The following PLEKHA5 variants were observed in gnomAD, a reference collection of about 807,000 sequenced individuals.
The protein encoded by PLEKHA5 is pleckstrin homology domain-containing family A member 5.
Under a neutral mutation model 181.9 loss-of-function variants are expected in PLEKHA5, and 55 were observed. That is an observed-to-expected ratio of 0.30 (90% CI 0.24 to 0.38). PLEKHA5 has a LOEUF of 0.38. PLEKHA5 is among the 10% of genes least tolerant of loss of function. PLEKHA5 has a pLI of 1.00. For missense variants in PLEKHA5, 1,432 were observed against 1,549.5 expected (o/e 0.92, Z 1.27); for synonymous variants, 535 against 529.4 (o/e 1.01, Z -0.15).
Position 19,197,172 on chromosome 12 carries a change from C to T in PLEKHA5, c.228-56768C>T, listed in dbSNP as rs537798570. On this transcript the variant is annotated intron_variant, in intron 3 of 31. Transcript: ENST00000429027. Reference sequence around the variant, plus strand: ...GTTCAGCATCGTTGAGCCTTAACACCCTTTTCTCCTGACTTCTATGACATC... The same window carrying T: ...GTTCAGCATCGTTGAGCCTTAACACTCTTTTCTCCTGACTTCTATGACATC... Among the ~76,000 whole-genome samples the T allele has an allele frequency of 2.0e-5, 3 of 152,238 alleles. No homozygotes were observed. The South Asian group carries it at 6.2e-4, about 32-fold the overall frequency.
chr12:19,165,388 G>A (rs1420076007), intron 3 of PLEKHA5, among the ~76,000 whole-genome samples: 1 of 150,652 alleles, frequency 6.6e-6, no homozygotes. Flanking sequence ...TTTGTTTTTT[G>A]ATTTAGAAAC....
At chr12:19,269,145 T>C (rs1399349377) in intron 8 of PLEKHA5, among the ~76,000 whole-genome samples, 2 of 152,074 alleles carry the variant, frequency 1.3e-5, no homozygotes, top group Non-Finnish European at 2.9e-5. Flanking sequence ...CCCAGCACTT[T>C]GGGAGGCTGA....
At chr12:19,314,331 T>G (rs2087710646) in intron 15 of PLEKHA5, among the ~76,000 whole-genome samples, 1 of 152,164 alleles carries the variant, frequency 6.6e-6, no homozygotes, top group Admixed American at 6.5e-5. Context: ...ATAAAATATG[T>G]GATTAAGTGA....
intron 3 of PLEKHA5, among the ~76,000 whole-genome samples, chr12:19,170,496 C>T (rs2045642841): frequency 6.6e-6 from 1 of 151,308 alleles, no homozygotes; most frequent in African/African-American, 2.4e-5. Context: ...GCACAATTTC[C>T]ACTCCTGCAA....
chr12:19,361,307 C>T (rs960897564), intron 28 of PLEKHA5, among the ~76,000 whole-genome samples: 18 of 152,100 alleles, frequency 1.2e-4, no homozygotes, highest in African/African-American at 4.1e-4. Context: ...CTCAGCCTCC[C>T]GAGTAGCTGG....
chr12:19,303,736 G>A (rs1005202213), intron 15 of PLEKHA5: 10 of 151,412 alleles, frequency 6.6e-5, no homozygotes, highest in African/African-American at 2.4e-4. Flanking sequence ...CTGTGAATAA[G>A]CACTGCACTC....
Position 19,359,551 on chromosome 12 carries a change from C to A in PLEKHA5, c.3483+5C>A, listed in dbSNP as rs777310916. The stretch of plus-strand genomic sequence containing the variant: ...AATGTGGACTTCAGCAAAGAGGTAG[C>A]GAGATTATTTTATGAAAGGTATTCC... On this transcript the variant is annotated splice_donor_5th_base_variant and intron_variant, in intron 28 of 31. Transcript: ENST00000429027. 7.4e-6 allele frequency: 12 copies of A among 1,612,382 alleles called. No homozygotes were observed. The South Asian group carries it at 1.2e-4, about 16-fold the overall frequency.
At chr12:19,233,537 C>G (rs1336156561) in intron 3 of PLEKHA5, among the ~76,000 whole-genome samples, 1 of 152,024 alleles carries the variant, frequency 6.6e-6, no homozygotes, top group Admixed American at 6.6e-5. Flanking sequence ...CACCTCAATG[C>G]TGGATTTAGT....
chr12:19,266,194 T>C (rs1040538105), intron 8 of PLEKHA5, among the ~76,000 whole-genome samples: 2 of 152,060 alleles, frequency 1.3e-5, no homozygotes, highest in African/African-American at 4.8e-5. Flanking sequence ...AATAATAAAT[T>C]TGGGGTCTGG....
chr12:19,315,544 T>C (rs983605102), intron 16 of PLEKHA5, among the ~76,000 whole-genome samples: 6 of 152,198 alleles, frequency 3.9e-5, no homozygotes, highest in African/African-American at 7.2e-5. Flanking sequence ...AATCTGCAGA[T>C]CTGCAAAAGA....
intron 3 of PLEKHA5, among the ~76,000 whole-genome samples, chr12:19,226,939 A>C (rs1262472045): frequency 8.5e-6 from 1 of 117,804 alleles, no homozygotes; most frequent in Non-Finnish European, 2.1e-5. Context: ...CTTTCTGGAT[A>C]GCAATTTTTA....
intron 25 of PLEKHA5, among the ~76,000 whole-genome samples, chr12:19,350,066 C>T (rs543414022): frequency 1.3e-5 from 2 of 152,150 alleles, no homozygotes; most frequent in African/African-American, 2.4e-5. Flanking sequence ...GAGCCAAGAT[C>T]GTGCCACTGC....
At chr12:19,266,861 A>G (rs2070639939) in intron 8 of PLEKHA5, among the ~76,000 whole-genome samples, 1 of 152,158 alleles carries the variant, frequency 6.6e-6, no homozygotes, top group Non-Finnish European at 1.5e-5. Flanking sequence ...ATATATATGT[A>G]CCTTTATTGA....
intron 3 of PLEKHA5, among the ~76,000 whole-genome samples, chr12:19,161,374 A>G (rs540001622): frequency 2.0e-5 from 3 of 152,184 alleles, no homozygotes; most frequent in African/African-American, 4.8e-5. Flanking sequence ...TAAAACTTCT[A>G]TCTGAATTGG....
At chr12:19,182,602 T>G (rs1405566554) in intron 3 of PLEKHA5, among the ~76,000 whole-genome samples, 1 of 152,196 alleles carries the variant, frequency 6.6e-6, no homozygotes, top group Non-Finnish European at 1.5e-5. Flanking sequence ...CTCTTCTCCC[T>G]TACCATATTT....
Position 19,202,618 on chromosome 12 carries a change from C to T in PLEKHA5, c.228-51322C>T, listed in dbSNP as rs181298938. ...CAGATTGCAGTGTTAAGACTCAGCC[C>T]GTAGAATGTACAAACGCCAATTGTG... On this transcript the variant is annotated intron_variant, in intron 3 of 31. Coordinates refer to ENST00000429027, the MANE Select transcript of PLEKHA5 (RefSeq NM_001256470.2). Among the ~76,000 whole-genome samples the T allele has an allele frequency of 1.9e-4, 29 of 152,054 alleles. No individual in the cohort carries two copies. The East Asian group carries it at 5.2e-3, about 27-fold the overall frequency.
chr12:19,311,074 G>A (rs2152985815), intron 15 of PLEKHA5, among the ~76,000 whole-genome samples: 1 of 152,044 alleles, frequency 6.6e-6, no homozygotes, highest in South Asian at 2.1e-4. Context: ...TTCTTTTCAC[G>A]AAAACATTTC....
chr12:19,155,149 T>C (rs1300618495), intron 3 of PLEKHA5, among the ~76,000 whole-genome samples: 1 of 152,166 alleles, frequency 6.6e-6, no homozygotes, highest in Non-Finnish European at 1.5e-5. Flanking sequence ...AAAACGTACA[T>C]AGGAATTCTT....
intron 15 of PLEKHA5, chr12:19,306,885 C>A: frequency 1.2e-6 from 1 of 804,532 alleles, no homozygotes; most frequent in East Asian, 2.4e-5. Context: ...CCTGATAAGG[C>A]TAAGGCTTGT....
Sources: gnomAD v4.1 joint callset for allele counts (sites outside exome capture counted in the v4.1 genomes callset) on GRCh38, gnomAD v4.1.1 for gene constraint, MANE v1.5 for transcripts, NCBI Gene and HGNC (gene_info 2026-07-23, HGNC 2026-07-21) for gene names.